Variants in PLCB1 observed in about 807,000 individuals in gnomAD.
The protein encoded by PLCB1 is phospholipase C beta 1.
A neutral mutation model predicts 161.8 loss-of-function variants in PLCB1; 46 were observed. The ratio of observed to expected loss-of-function variants is 0.28; its 90% CI spans 0.22 to 0.36. PLCB1 has a LOEUF of 0.36. Ranked by LOEUF, PLCB1 falls within the 10% of genes least tolerant of loss-of-function variation. PLCB1 has a pLI of 1.00. For synonymous variants in PLCB1, 517 were observed against 503.7 expected, an observed-to-expected ratio of 1.03 and a Z score of -0.35; for missense variants, 1,016 against 1,472.5, an observed-to-expected ratio of 0.69 and a Z score of 5.07.
At chr20:8,858,470 C>A (rs1371229833) in intron 31 of PLCB1, among the ~76,000 whole-genome samples, 1 of 152,168 alleles carries the variant, frequency 6.6e-6, no homozygotes, top group Non-Finnish European at 1.5e-5. Context: ...ATGGCCCTGG[C>A]TAGAATAACA....
At chr20:8,647,604 A>G (rs1357796131) in intron 5 of PLCB1, among the ~76,000 whole-genome samples, 1 of 152,248 alleles carries the variant, frequency 6.6e-6, no homozygotes, top group Non-Finnish European at 1.5e-5. Flanking sequence ...AAAGAAGCCA[A>G]ACACAAGAGT....
intron 27 of PLCB1, among the ~76,000 whole-genome samples, chr20:8,777,184 G>C (rs1396961793): frequency 6.6e-6 from 1 of 152,140 alleles, no homozygotes; most frequent in African/African-American, 2.4e-5. Flanking sequence ...TTAGGCCTCT[G>C]TGTTTTCACT....
chr20:8,611,871 G>A (rs963478222), intron 3 of PLCB1, among the ~76,000 whole-genome samples: 15 of 152,060 alleles, frequency 9.9e-5, no homozygotes, highest in Admixed American at 3.9e-4. Context: ...GCTTGAGCCC[G>A]GGGGATAGAG....
At chr20:8,616,547 T>C (rs1988044187) in intron 3 of PLCB1, among the ~76,000 whole-genome samples, 1 of 152,202 alleles carries the variant, frequency 6.6e-6, no homozygotes, top group Non-Finnish European at 1.5e-5. Context: ...CTTGCCAGAA[T>C]GTAAGCACCA....
At chr20:8,379,026 T>C (rs1334173508) in intron 3 of PLCB1, among the ~76,000 whole-genome samples, 1 of 152,166 alleles carries the variant, frequency 6.6e-6, no homozygotes, top group Non-Finnish European at 1.5e-5. Flanking sequence ...AACATGCAGG[T>C]TTGTTACATA....
intron 3 of PLCB1, among the ~76,000 whole-genome samples, chr20:8,502,751 G>A (rs1983476177): frequency 6.6e-6 from 1 of 152,046 alleles, no homozygotes; most frequent in African/African-American, 2.4e-5. Context: ...AAAATTTGCT[G>A]GCAGAATAGT....
At chr20:8,666,840 T>C (rs1989823393) in intron 9 of PLCB1, among the ~76,000 whole-genome samples, 2 of 152,012 alleles carry the variant, frequency 1.3e-5, no homozygotes, top group South Asian at 2.1e-4. Flanking sequence ...TTAAAGGTGC[T>C]GTCTTGGTGG....
At chr20:8,144,818 T>A (rs1043941045) in intron 1 of PLCB1, among the ~76,000 whole-genome samples, 2 of 152,178 alleles carry the variant, frequency 1.3e-5, no homozygotes, top group Non-Finnish European at 2.9e-5. Flanking sequence ...CTGTGGAACA[T>A]CGCTTGTTAC....
intron 3 of PLCB1, among the ~76,000 whole-genome samples, chr20:8,548,277 T>TTTTCTTTC (rs200670879): frequency 6.8e-6 from 1 of 146,876 alleles, no homozygotes; most frequent in Admixed American, 6.8e-5. Context: ...TTCTTTCATT[T>TTTTCTTTC]TTTCTTTCTT....
At chr20:8,392,992 C>G (rs1987656992) in intron 3 of PLCB1, among the ~76,000 whole-genome samples, 1 of 152,032 alleles carries the variant, frequency 6.6e-6, no homozygotes, top group South Asian at 2.1e-4. Flanking sequence ...TCCGGAACTC[C>G]TGAAATTAAT....
chr20:8,403,606 G>A (rs992213746), intron 3 of PLCB1, among the ~76,000 whole-genome samples: 4 of 151,980 alleles, frequency 2.6e-5, no homozygotes, highest in Admixed American at 6.6e-5. Context: ...AAACAAGATA[G>A]CATGTGAGCA....
At chr20:8,569,695 T>C (rs1234529791) in intron 3 of PLCB1, among the ~76,000 whole-genome samples, 1 of 152,192 alleles carries the variant, frequency 6.6e-6, no homozygotes. Context: ...GTTGTTAAGG[T>C]AAGTATTAGC....
intron 3 of PLCB1, among the ~76,000 whole-genome samples, chr20:8,461,642 T>C (rs1981580587): frequency 6.6e-6 from 1 of 152,176 alleles, no homozygotes; most frequent in South Asian, 2.1e-4. Context: ...TGTGTGGACA[T>C]AGTTGCAATC....
chr20:8,375,348 T>TA lies in PLCB1; in HGVS notation c.246+3905dup, dbSNP rs1462492458. On this transcript the variant is annotated intron_variant, in intron 3 of 31. Coordinates refer to ENST00000338037, the MANE Select transcript of PLCB1 (RefSeq NM_015192.4). The stretch of plus-strand genomic sequence containing the variant: ...GTCACTTCAAAAAGATCTTTGCTTT[T>TA]AAAAAAAGTGTTTATCACTGCGGCC... Among the ~76,000 whole-genome samples, 4 of 152,280 alleles carry TA rather than the reference T, an allele frequency of 2.6e-5. No individual in the cohort carries two copies. The South Asian group carries it at 8.3e-4, about 32-fold the overall frequency.
intron 4 of PLCB1, among the ~76,000 whole-genome samples, chr20:8,643,382 G>A (rs190163332): frequency 1.3e-3 from 196 of 152,136 alleles, no homozygotes; most frequent in Non-Finnish European, 2.3e-3. Context: ...ATTCCTATTA[G>A]ACTACTTTTT....
At chr20:8,842,863 C>T (rs34479700) in intron 31 of PLCB1, among the ~76,000 whole-genome samples, 18,653 of 152,166 alleles carry the variant, frequency 0.12, 1,394 homozygotes, top group South Asian at 0.23. Flanking sequence ...GCCCAGGGCG[C>T]GGTGCTGGGC....
intron 2 of PLCB1, among the ~76,000 whole-genome samples, chr20:8,221,009 T>C (rs1979378638): frequency 6.6e-6 from 1 of 152,154 alleles, no homozygotes; most frequent in African/African-American, 2.4e-5. Context: ...CTCTGGGAAG[T>C]TGGAAATCTT....
intron 7 of PLCB1, among the ~76,000 whole-genome samples, chr20:8,654,538 C>A (rs753843539): frequency 6.6e-6 from 1 of 151,612 alleles, no homozygotes; most frequent in Non-Finnish European, 1.5e-5. Flanking sequence ...GCTCATAGTT[C>A]AGTAGAAAAT....
rs547292643 is a variant in PLCB1, at chr20:8,496,033, T to C, written c.246+124583T>C. Among the ~76,000 whole-genome samples the C allele has an allele frequency of 2.0e-5, 3 of 152,340 alleles. No homozygotes were observed. The East Asian group carries it at 5.8e-4, about 29-fold the overall frequency. ...GAAGGATATGAGCCATAACAGAGCA[T>C]AGACATTGCTTTTTTCTTTGTAGCT... On this transcript the variant is annotated intron_variant, in intron 3 of 31. Transcript: ENST00000338037.
Sources: gnomAD v4.1 joint callset for allele counts (sites outside exome capture counted in the v4.1 genomes callset) on GRCh38, gnomAD v4.1.1 for gene constraint, MANE v1.5 for transcripts, NCBI Gene and HGNC (gene_info 2026-07-23, HGNC 2026-07-21) for gene names.